The following PUM1 variants were observed in gnomAD, a reference collection of about 807,000 sequenced individuals.
The protein encoded by PUM1 is pumilio RNA binding family member 1, also known as pumilio homolog 1.
PUM1 carries 13 observed loss-of-function variants against 131.8 expected under a neutral mutation model. The observed-to-expected ratio is 0.10, with a 90% confidence interval of 0.06 to 0.16. The LOEUF (loss-of-function observed/expected upper bound fraction) is 0.16. Ranked by LOEUF, PUM1 falls within the 10% of genes least tolerant of loss-of-function variation. The pLI, the probability that PUM1 is intolerant of heterozygous loss-of-function variation, is 1.00. For synonymous variants in PUM1, 509 were observed against 556.5 expected (o/e 0.91, Z 1.20); for missense variants, 961 against 1,512.4 (o/e 0.64, Z 6.05).
chr1:31,037,580 C>T (rs901512855), intron 2 of PUM1, among the ~76,000 whole-genome samples: 4 of 151,928 alleles, frequency 2.6e-5, no homozygotes, highest in East Asian at 1.9e-4. Flanking sequence ...ATTAGCTGGG[C>T]GTGGTGGCGG....
At chr1:31,034,150 T>G (rs1204969201) in intron 2 of PUM1, among the ~76,000 whole-genome samples, 1 of 152,102 alleles carries the variant, frequency 6.6e-6, no homozygotes, top group African/African-American at 2.4e-5. Flanking sequence ...ACGACACAGG[T>G]TTTGCTAGCA....
At chr1:30,952,655 G>A (rs1407246139) in intron 15 of PUM1, among the ~76,000 whole-genome samples, 1 of 125,450 alleles carries the variant, frequency 8.0e-6, no homozygotes, top group African/African-American at 3.1e-5. Flanking sequence ...TATGTGCAAG[G>A]TGGGAGGGAA....
intron 6 of PUM1, among the ~76,000 whole-genome samples, chr1:30,993,832 A>C (rs1331029661): frequency 6.6e-6 from 1 of 152,174 alleles, no homozygotes; most frequent in African/African-American, 2.4e-5. Flanking sequence ...GCACTTTGGG[A>C]GGCTAAGGCA....
In PUM1 at chr1:30,952,307, T is replaced by C. The variant is rs144369611; in HGVS notation, c.2648A>G (p.Asn883Ser). 723 of 1,613,966 alleles carry C rather than the reference T, an allele frequency of 4.5e-4. 2 individuals carry two copies. Among genetic ancestry groups the C allele is most frequent in the South Asian group, 1.3e-3 (119 of 91,080 alleles). The change falls in exon 16 of 22, where the codon AAT (asparagine) becomes AGT (serine). Residue 883 changes from asparagine (N) to serine (S), a missense_variant. This residue lies in a region of PUM1 where 117 missense variants were observed against 200.7 expected (regional missense o/e 0.58). Transcript: ENST00000426105. ...ATPAERQLVF[N>S]EILQAAYQLM... is the part of the protein sequence containing the mutation. ...TTGGTAGGCAGCCTGGAGGATTTCATTGAAGACAAGCTGGCGCTCAGCTGG... is the reference window on the plus strand; with the variant it reads ...TTGGTAGGCAGCCTGGAGGATTTCACTGAAGACAAGCTGGCGCTCAGCTGG...
intron 2 of PUM1, among the ~76,000 whole-genome samples, chr1:31,051,430 A>G (rs1644107581): frequency 6.6e-6 from 1 of 152,078 alleles, no homozygotes; most frequent in Non-Finnish European, 1.5e-5. Context: ...CAGCCACCCA[A>G]GTAGCTGGGA....
Position 30,995,065 on chromosome 1 carries a change from G to C in PUM1, c.876C>G (p.Val292=), listed in dbSNP as rs1425843364. ...TAAAACATACAAACCTAAAATCTTT[G>C]ACGTCTGCATCAATCCCATTCTGCA... is the stretch of plus-strand genomic sequence containing the variant. ...LPVQNGIDAD[V]KDFSRTPGNC... Residue 292 remains valine (V), a synonymous_variant, in exon 6 of 22, where the codon GTC becomes GTG. Coordinates refer to ENST00000426105, the MANE Select transcript of PUM1 (RefSeq NM_001020658.2). 1 of 1,612,992 alleles carries C rather than the reference G, an allele frequency of 6.2e-7. No homozygotes were observed. The highest frequency in any genetic ancestry group is 1.7e-5 in the Admixed American group (1 of 59,800).
chr1:30,946,380 T>C (rs1410981732), intron 17 of PUM1, among the ~76,000 whole-genome samples: 1 of 150,706 alleles, frequency 6.6e-6, no homozygotes, highest in Admixed American at 6.6e-5. Context: ...GGCTCATGCC[T>C]GTAACCCCAG....
chr1:31,002,575 T>C (rs1350998740), intron 5 of PUM1, among the ~76,000 whole-genome samples: 1 of 152,066 alleles, frequency 6.6e-6, no homozygotes, highest in Non-Finnish European at 1.5e-5. Flanking sequence ...GCCTCAAAAA[T>C]AAAATAATTA....
intron 9 of PUM1, among the ~76,000 whole-genome samples, chr1:30,975,093 G>C (rs1325822212): frequency 6.6e-6 from 1 of 152,152 alleles, no homozygotes; most frequent in Non-Finnish European, 1.5e-5. Context: ...TTTAATAACA[G>C]ATGGAGGATG....
intron 3 of PUM1, among the ~76,000 whole-genome samples, chr1:31,026,279 A>G (rs1024594803): frequency 1.3e-5 from 2 of 151,384 alleles, no homozygotes; most frequent in Non-Finnish European, 2.9e-5. Context: ...AAAGAAAAGG[A>G]AAAAAAAGCT....
chr1:30,961,200 T>TAAATA (rs1250788867), intron 14 of PUM1, among the ~76,000 whole-genome samples: 1 of 150,146 alleles, frequency 6.7e-6, no homozygotes, highest in Non-Finnish European at 1.5e-5. Flanking sequence ...CTCAAAAAAA[T>TAAATA]AAATAAAATA....
Position 31,038,984 on chromosome 1 carries a change from A to ATATATATATTTTTTTTTTTTT in PUM1, c.364-10121_364-10120insAAAAAAAAAAAAATATATATA. Reference sequence around the variant, plus strand: ...TATATATATATATATATATATATATATTTTTTTTTTTTTTTTCCTTTTCTC... The same window carrying ATATATATATTTTTTTTTTTTT: ...TATATATATATATATATATATATATATATATATATTTTTTTTTTTTTTTTTTTTTTTTTTTTTCCTTTTCTC... On this transcript the variant is annotated intron_variant, in intron 2 of 21. Coordinates refer to ENST00000426105, the MANE Select transcript of PUM1 (RefSeq NM_001020658.2). Among the ~76,000 whole-genome samples, 16 of 49,420 alleles carry ATATATATATTTTTTTTTTTTT rather than the reference A, an allele frequency of 3.2e-4. No individual in the cohort carries two copies. In the East Asian group the frequency reaches 4.0e-3, roughly 12 times the overall value. 32.4% of individuals were successfully genotyped at this position (49,420 alleles called of 152,430 possible).
At chr1:30,961,626 T>A (rs1216100189) in intron 14 of PUM1, among the ~76,000 whole-genome samples, 1 of 152,122 alleles carries the variant, frequency 6.6e-6, no homozygotes, top group African/African-American at 2.4e-5. Context: ...AAGTGATTTT[T>A]AAAAAAATAA....
In PUM1 at chr1:30,942,040, A is replaced by G. The variant is rs759603978; in HGVS notation, c.3078T>C (p.Pro1026=). The part of the protein sequence containing the change: ...LEHCLPDQTL[P]ILEELHQHTE... The stretch of plus-strand genomic sequence containing the variant: ...TGTGCTGGTGAAGCTCCTCTAAAAT[A>G]GGGAGTGTCTGGTCAGGGAGACAGT... Residue 1026 remains proline, a synonymous_variant, in exon 19 of 22, where the codon CCT becomes CCC. Coordinates refer to ENST00000426105, the MANE Select transcript of PUM1 (RefSeq NM_001020658.2). 5.0e-6 allele frequency: 8 copies of G among 1,598,720 alleles called. No individual in the cohort carries two copies. Among genetic ancestry groups the G allele is most frequent in the Non-Finnish European group, 6.8e-6 (8 of 1,170,772 alleles).
intron 20 of PUM1, among the ~76,000 whole-genome samples, chr1:30,938,758 G>T (rs372732085): frequency 3.4e-4 from 51 of 152,160 alleles, no homozygotes; most frequent in African/African-American, 1.1e-3. Flanking sequence ...CCAGCTACTC[G>T]GGAGGCTGAG....
intron 2 of PUM1, among the ~76,000 whole-genome samples, chr1:31,047,954 T>A (rs1210195165): frequency 1.4e-5 from 2 of 147,632 alleles, no homozygotes; most frequent in South Asian, 2.2e-4. Context: ...AAAAACTTTT[T>A]AAAAGGCCGG....
At chr1:31,020,291 A>G (rs1287473044) in intron 3 of PUM1, among the ~76,000 whole-genome samples, 1 of 152,066 alleles carries the variant, frequency 6.6e-6, no homozygotes, top group African/African-American at 2.4e-5. Context: ...TCCTTATCCA[A>G]TTCACTGTTG....
chr1:31,057,668 T>C (rs1185553172), intron 2 of PUM1, among the ~76,000 whole-genome samples: 5 of 130,066 alleles, frequency 3.8e-5, no homozygotes, highest in East Asian at 2.2e-4. Flanking sequence ...GAGGTTGCAG[T>C]GAGCCGAGAT....
chr1:31,056,623 T>C (rs1436884072), intron 2 of PUM1, among the ~76,000 whole-genome samples: 21 of 105,028 alleles, frequency 2.0e-4, no homozygotes, highest in Middle Eastern at 4.2e-3. Context: ...TTTTTTTTTT[T>C]TTTTTTTTTT....
Sources: gnomAD v4.1 joint callset for allele counts (sites outside exome capture counted in the v4.1 genomes callset) on GRCh38, gnomAD v4.1.1 for gene constraint, gnomAD v4.1.1 regional missense constraint, MANE v1.5 for transcripts, NCBI Gene and HGNC (gene_info 2026-07-23, HGNC 2026-07-21) for gene names.